MEF2C: variants seen among roughly 807,000 people sequenced by gnomAD.
MEF2C encodes myocyte enhancer factor 2C.
A neutral mutation model predicts 50.5 loss-of-function variants in MEF2C; 6 were observed. That is an observed-to-expected ratio of 0.12 (90% CI 0.07 to 0.23). The LOEUF is 0.23. Ranked by LOEUF, MEF2C falls within the 10% of genes least tolerant of loss-of-function variation. The pLI is 1.00. For synonymous variants in MEF2C, 183 were observed against 228.0 expected (o/e 0.80, Z 1.78); for missense variants, 276 against 605.0 (o/e 0.46, Z 5.70).
chr5:88,828,983 T>A (rs1811999300), intron 1 of MEF2C, among the ~76,000 whole-genome samples: 1 of 151,994 alleles, frequency 6.6e-6, no homozygotes, highest in Admixed American at 6.6e-5. Context: ...CCAAATCACA[T>A]ACCCAAGACT....
At chr5:88,792,956 C>A (rs797008722) in intron 3 of MEF2C, among the ~76,000 whole-genome samples, 5 of 152,200 alleles carry the variant, frequency 3.3e-5, no homozygotes, top group African/African-American at 1.2e-4. Context: ...TTTGTTTATT[C>A]TATAAATATA....
intron 1 of MEF2C, among the ~76,000 whole-genome samples, chr5:88,896,078 T>C (rs973768916): frequency 1.3e-5 from 2 of 152,152 alleles, no homozygotes; most frequent in African/African-American, 4.8e-5. Context: ...ATCTAAGCCT[T>C]GGATGCAAGC....
intron 6 of MEF2C, chr5:88,734,142 T>A (rs1267968732): frequency 1.0e-6 from 1 of 984,754 alleles, no homozygotes; most frequent in Non-Finnish European, 1.2e-6. Context: ...ATTGTGAATA[T>A]GTTATGAACT....
intron 1 of MEF2C, among the ~76,000 whole-genome samples, chr5:88,857,646 C>T (rs913170854): frequency 5.9e-5 from 9 of 152,108 alleles, no homozygotes; most frequent in Admixed American, 2.6e-4. Flanking sequence ...TACTGTTCTC[C>T]TGATAGTGAG....
intron 2 of MEF2C, among the ~76,000 whole-genome samples, chr5:88,818,381 A>G (rs1390175218): frequency 1.3e-5 from 2 of 151,928 alleles, no homozygotes; most frequent in Non-Finnish European, 2.9e-5. Context: ...CTGTTTCAGG[A>G]GCATGATTAA....
chr5:88,825,261 G>A (rs1339170541), intron 1 of MEF2C, among the ~76,000 whole-genome samples: 1 of 150,844 alleles, frequency 6.6e-6, no homozygotes, highest in Non-Finnish European at 1.5e-5. Context: ...TTATCACCTT[G>A]GGTATTTTTT....
intron 3 of MEF2C, chr5:88,782,054 A>G (rs1788364485): frequency 1.1e-5 from 9 of 785,732 alleles, no homozygotes; most frequent in African/African-American, 1.9e-5. Flanking sequence ...AGAAGAGCCC[A>G]GGCAACCTAG....
intron 3 of MEF2C, among the ~76,000 whole-genome samples, chr5:88,779,760 GT>G (rs70996493): frequency 2.3e-4 from 34 of 147,210 alleles, no homozygotes; most frequent in Admixed American, 6.7e-4. Flanking sequence ...GCAAAGTGAG[GT>G]TTTTTTTTTT....
chr5:88,837,401 A>G (rs1383232401), intron 1 of MEF2C, among the ~76,000 whole-genome samples: 1 of 152,190 alleles, frequency 6.6e-6, no homozygotes, highest in Admixed American at 6.5e-5. Context: ...TTTTGCCATT[A>G]AAGAGTGCAA....
At chr5:88,774,482 C>T (rs1461742040) in intron 3 of MEF2C, among the ~76,000 whole-genome samples, 1 of 152,056 alleles carries the variant, frequency 6.6e-6, no homozygotes, top group Non-Finnish European at 1.5e-5. Flanking sequence ...GCCACCACGC[C>T]AGGTTAATTT....
rs746995035 is a variant in MEF2C at position 88,730,280 on chromosome 5, T to A, written c.811-46A>T. On this transcript the variant is annotated intron_variant, in intron 7 of 10. Transcript: ENST00000504921. ...TTTTATTAATTAGTGTCCGTAAATA[T>A]TTATAATTGGGCAAAATCTTTTCAA... 1.2e-5 allele frequency: 18 copies of A among 1,553,086 alleles called. No homozygotes were observed. In the Admixed American group the frequency reaches 3.3e-4, roughly 29 times the overall value.
At chr5:88,858,404 C>G (rs150904434) in intron 1 of MEF2C, among the ~76,000 whole-genome samples, 1 of 152,326 alleles carries the variant, frequency 6.6e-6, no homozygotes, top group African/African-American at 2.4e-5. Context: ...TGACAGAATT[C>G]ATTTGCTCAT....
upstream of MEF2C, among the ~76,000 whole-genome samples, chr5:88,885,952 T>A (rs1834006405): frequency 6.6e-6 from 1 of 152,178 alleles, no homozygotes; most frequent in Non-Finnish European, 1.5e-5. Flanking sequence ...TTTAAATAAT[T>A]ATTTAATAAT....
intron 2 of MEF2C, among the ~76,000 whole-genome samples, chr5:88,817,531 T>C (rs1446648741): frequency 2.0e-5 from 3 of 151,970 alleles, no homozygotes; most frequent in Admixed American, 2.0e-4. Context: ...CTATGAACTC[T>C]GAATTCTTTT....
intron 1 of MEF2C, among the ~76,000 whole-genome samples, chr5:88,860,282 T>C (rs1330232071): frequency 2.0e-5 from 3 of 151,940 alleles, no homozygotes; most frequent in African/African-American, 7.3e-5. Flanking sequence ...CTGCTACTTC[T>C]AATGTGGACA....
intron 1 of MEF2C, among the ~76,000 whole-genome samples, chr5:88,892,765 A>G (rs1177631325): frequency 6.6e-6 from 1 of 152,076 alleles, no homozygotes; most frequent in Non-Finnish European, 1.5e-5. Flanking sequence ...ACCCTGGTTG[A>G]CCTTTGGAAT....
chr5:88,821,129 A>G (rs1442828845), intron 2 of MEF2C, among the ~76,000 whole-genome samples: 1 of 151,900 alleles, frequency 6.6e-6, no homozygotes, highest in East Asian at 1.9e-4. Context: ...CTGAATTTAA[A>G]TAAGTTTTCT....
chr5:88,866,165 G>A (rs142342050), intron 1 of MEF2C, among the ~76,000 whole-genome samples: 3,142 of 152,246 alleles, frequency 0.021, 44 homozygotes, highest in South Asian at 0.035. Context: ...CAAAGTGCTG[G>A]GATTACAGGA....
At position 88,722,307 on chromosome 5, in the gene MEF2C, CTATT is replaced by C; in HGVS notation, c.*293_*296del. On this transcript the variant is annotated 3_prime_UTR_variant, in exon 11 of 11. Coordinates refer to ENST00000504921, the MANE Select transcript of MEF2C (RefSeq NM_002397.5). The stretch of plus-strand genomic sequence containing the variant: ...CGTTGAACCTGCAACATGACACTAT[CTATT>C]GTAACATACATTTTGCAAAGGAGCA... 3.3e-6 allele frequency: 1 copy of C among 303,524 alleles called. No individual in the cohort carries two copies. Among genetic ancestry groups the C allele is most frequent in the African/African-American group, 2.1e-5 (1 of 46,962 alleles). The allele number at this position is 303,524 out of a possible 1,614,324, so 18.8% of individuals were successfully genotyped here.
Sources: allele counts gnomAD v4.1 joint callset (sites outside exome capture counted in the v4.1 genomes callset), GRCh38; gene constraint gnomAD v4.1.1; transcripts MANE v1.5; gene names NCBI Gene and HGNC (gene_info 2026-07-23, HGNC 2026-07-21).